The following GABRB2 variants were observed in gnomAD, a reference collection of about 807,000 sequenced individuals.
GABRB2 encodes the protein gamma-aminobutyric acid receptor subunit beta-2.
GABRB2 carries 16 observed loss-of-function variants against 54.7 expected under a neutral mutation model. The ratio of observed to expected loss-of-function variants is 0.29; its 90% CI spans 0.20 to 0.44. GABRB2 has a LOEUF of 0.44. GABRB2 is among the 20% of genes least tolerant of loss of function. GABRB2 has a pLI of 1.00. For synonymous variants in GABRB2, 244 were observed against 233.8 expected, an observed-to-expected ratio of 1.04 and a Z score of -0.40; for missense variants, 355 against 644.0, an observed-to-expected ratio of 0.55 and a Z score of 4.86.
chr5:161,546,657 G>T lies in GABRB2; in HGVS notation c.-14C>A, dbSNP rs757037702. The T allele has an allele frequency of 1.1e-5, 17 of 1,581,054 alleles. No individual in the cohort carries two copies. The highest frequency in any genetic ancestry group is 2.7e-5 in the African/African-American group (2 of 74,568). Reference sequence around the variant, plus strand: ...CACTCTCCACATCCCTTTAGTTTTTGATGGAATTGAGGGTTTCACTGAAGA... The same window carrying T: ...CACTCTCCACATCCCTTTAGTTTTTTATGGAATTGAGGGTTTCACTGAAGA... On this transcript the variant is annotated 5_prime_UTR_variant, in exon 1 of 10. Coordinates refer to ENST00000393959, the MANE Select transcript of GABRB2 (RefSeq NM_001371727.1).
chr5:161,309,427 A>G (rs1757793489), intron 9 of GABRB2, among the ~76,000 whole-genome samples: 1 of 152,210 alleles, frequency 6.6e-6, no homozygotes, highest in South Asian at 2.1e-4. Flanking sequence ...AATTAGTTCA[A>G]CCATTGTGGG....
In GABRB2 at chr5:161,411,891, G is replaced by A. The variant is rs147053563; in HGVS notation, c.459-834C>T. Among the ~76,000 whole-genome samples the A allele has an allele frequency of 2.3e-3, 347 of 152,076 alleles. 1 individual carries two copies. Among genetic ancestry groups the A allele is most frequent in the African/African-American group, 7.8e-3 (323 of 41,490 alleles). ...ATCATAGGATCATGAAAGAACACAA[G>A]TTTTAAAACATTCCAAATGTAGGTA... On this transcript the variant is annotated intron_variant, in intron 4 of 9. Transcript: ENST00000393959.
At chr5:161,541,147 A>G (rs1760799479) in intron 3 of GABRB2, among the ~76,000 whole-genome samples, 1 of 151,528 alleles carries the variant, frequency 6.6e-6, no homozygotes, top group African/African-American at 2.4e-5. Context: ...CACCTGGTTG[A>G]GCAGTAAGTC....
chr5:161,498,898 A>G (rs1195825470), intron 3 of GABRB2, among the ~76,000 whole-genome samples: 1 of 152,182 alleles, frequency 6.6e-6, no homozygotes, highest in African/African-American at 2.4e-5. Flanking sequence ...TAAGCAGTAG[A>G]GCATATTACA....
intron 3 of GABRB2, among the ~76,000 whole-genome samples, chr5:161,467,767 A>G (rs891938866): frequency 3.3e-5 from 5 of 152,110 alleles, no homozygotes; most frequent in Non-Finnish European, 5.9e-5. Flanking sequence ...AATAATATCA[A>G]AATGAGGCCT....
intron 4 of GABRB2, among the ~76,000 whole-genome samples, chr5:161,431,184 C>A (rs1757163005): frequency 6.6e-6 from 1 of 152,032 alleles, no homozygotes; most frequent in African/African-American, 2.4e-5. Context: ...GATTAAAATG[C>A]CTGTTTTATT....
At position 161,546,185 on chromosome 5, in the gene GABRB2, T is replaced by TA. The variant is rs1561689505; in HGVS notation, c.169+136_169+137insT. Reference sequence around the variant, plus strand: ...ATAATCCAGCTTAAGTTTTGATCAGTTTCTCAATATGGTAAAATAGAGACA... The same window carrying TA: ...ATAATCCAGCTTAAGTTTTGATCAGTATTCTCAATATGGTAAAATAGAGACA... On this transcript the variant is annotated intron_variant, in intron 2 of 9. Coordinates refer to ENST00000393959, the MANE Select transcript of GABRB2 (RefSeq NM_001371727.1). 8.8e-6 allele frequency: 6 copies of TA among 684,246 alleles called. No homozygotes were observed. The African/African-American group carries it at 1.1e-4, about 12-fold the overall frequency. 42.4% of individuals were successfully genotyped at this position (684,246 alleles called of 1,614,324 possible). A position where few individuals can be genotyped will look rare whatever the true frequency, so the allele number is the denominator to read the frequency against.
chr5:161,479,298 G>A (rs559336605), intron 3 of GABRB2, among the ~76,000 whole-genome samples: 10 of 152,158 alleles, frequency 6.6e-5, no homozygotes, highest in African/African-American at 2.4e-4. Context: ...CAGGGTTGAA[G>A]TGGAATACCC....
chr5:161,546,517 C>CAG, intron 1 of GABRB2, 50 bp downstream of exon 1: 1 of 1,574,736 alleles, frequency 6.4e-7, no homozygotes, highest in Non-Finnish European at 8.7e-7. Context: ...GGTATGCAGA[C>CAG]AGAACCCTTC....
At chr5:161,402,913 C>G (rs998320590) in intron 5 of GABRB2, among the ~76,000 whole-genome samples, 7 of 152,104 alleles carry the variant, frequency 4.6e-5, no homozygotes, top group Middle Eastern at 3.2e-3. Flanking sequence ...TCTAAAATTG[C>G]TAATTTAAGA....
intron 5 of GABRB2, among the ~76,000 whole-genome samples, chr5:161,345,211 T>C (rs1311054696): frequency 6.6e-6 from 1 of 151,986 alleles, no homozygotes; most frequent in Admixed American, 6.6e-5. Flanking sequence ...AGAAAAAAAT[T>C]TAATCAGTAT....
At chr5:161,389,626 A>G (rs1372938465) in intron 5 of GABRB2, among the ~76,000 whole-genome samples, 1 of 151,570 alleles carries the variant, frequency 6.6e-6, no homozygotes, top group Non-Finnish European at 1.5e-5. Flanking sequence ...AGAGAGAAAG[A>G]GAAATGAGAA....
chr5:161,351,755 T>G (rs1480865583), intron 5 of GABRB2, among the ~76,000 whole-genome samples: 1 of 151,896 alleles, frequency 6.6e-6, no homozygotes, highest in Non-Finnish European at 1.5e-5. Context: ...ATCAACACAT[T>G]GAAGAGATAA....
intron 9 of GABRB2, among the ~76,000 whole-genome samples, chr5:161,310,917 C>T (rs1293804052): frequency 1.3e-5 from 2 of 152,052 alleles, no homozygotes; most frequent in Admixed American, 6.6e-5. Flanking sequence ...TCCACCACCA[C>T]GCCCGGCTAA....
chr5:161,474,612 A>C (rs1758540184), intron 3 of GABRB2, among the ~76,000 whole-genome samples: 1 of 151,946 alleles, frequency 6.6e-6, no homozygotes. Context: ...TCAGAAGAAT[A>C]GGTATCAATG....
chr5:161,329,166 T>A (rs114258531), intron 8 of GABRB2, among the ~76,000 whole-genome samples: 7,384 of 152,268 alleles, frequency 0.048, 346 homozygotes, highest in Admixed American at 0.16. Context: ...AGATCAGATG[T>A]TATCTTATTA....
At chr5:161,340,470 G>T (rs145045654) in intron 5 of GABRB2, among the ~76,000 whole-genome samples, 1 of 152,026 alleles carries the variant, frequency 6.6e-6, no homozygotes, top group African/African-American at 2.4e-5. Flanking sequence ...CACACAGTTG[G>T]CACTAAATAA....
chr5:161,480,961 A>G (rs766898397), intron 3 of GABRB2, among the ~76,000 whole-genome samples: 5 of 152,062 alleles, frequency 3.3e-5, no homozygotes, highest in Non-Finnish European at 5.9e-5. Context: ...TGGGATTTTA[A>G]ATCAACAGTA....
rs1468154436 is a variant in GABRB2 at position 161,372,770 on chromosome 5, C to T, written c.542-36001G>A. On this transcript the variant is annotated intron_variant, in intron 5 of 9. Transcript: ENST00000393959. The stretch of plus-strand genomic sequence containing the variant: ...CAATTCCAGCTGGGTATTGTAATTC[C>T]CTTTTTTACAGATAAAGCAATTAAA... Among the ~76,000 whole-genome samples, 4 of 152,108 alleles carry T rather than the reference C, an allele frequency of 2.6e-5. 1 individual carries two copies. The East Asian group carries it at 7.7e-4, about 29-fold the overall frequency.
Sources: allele counts gnomAD v4.1 joint callset (sites outside exome capture counted in the v4.1 genomes callset), GRCh38; gene constraint gnomAD v4.1.1; transcripts MANE v1.5; gene names NCBI Gene and HGNC (gene_info 2026-07-23, HGNC 2026-07-21).